The following UGT1A3 variants were observed in gnomAD, a reference collection of about 807,000 sequenced individuals.
The protein encoded by UGT1A3 is UDP-glucuronosyltransferase 1A3.
Under a neutral mutation model 41.0 loss-of-function variants are expected in UGT1A3, and 31 were observed. That is an observed-to-expected ratio of 0.76 (90% CI 0.57 to 1.02). UGT1A3 has a LOEUF of 1.02. UGT1A3 is among the 50% of genes least tolerant of loss of function. The pLI is 0.00. For synonymous variants in UGT1A3, 262 were observed against 257.6 expected (o/e 1.02, Z -0.17); for missense variants, 737 against 671.0 (o/e 1.10, Z -1.09).
rs910583774 is a variant in UGT1A3 at position 233,730,144 on chromosome 2, T to G, written c.867+151T>G. The G allele has an allele frequency of 2.1e-5, 31 of 1,508,278 alleles. No individual in the cohort carries two copies. In the East Asian group the frequency reaches 2.9e-4, roughly 14 times the overall value. 93.4% of individuals were successfully genotyped at this position (1,508,278 alleles called of 1,614,324 possible). On this transcript the variant is annotated intron_variant, in intron 1 of 4. Transcript: ENST00000482026. ...CATAATAGCCTTCAGTGAGATAAAC[T>G]GTTAAGGGGTCTCTAGTAGCGTATT...
Position 233,772,248 on chromosome 2 carries a change from G to A in UGT1A3, c.1308-14G>A. ...CAGGTGTTCCAGGCATAACGAAACT[G>A]TCTTTGTGTTTAGTTACAAGGAGAA... is the stretch of plus-strand genomic sequence containing the variant. On this transcript the variant is annotated splice_polypyrimidine_tract_variant and intron_variant, in intron 4 of 4. Transcript: ENST00000482026. 6.2e-7 allele frequency: 1 copy of A among 1,614,220 alleles called. No individual in the cohort carries two copies. The highest frequency in any genetic ancestry group is 1.7e-5 in the Admixed American group (1 of 60,030).
At chr2:233,761,005 A>G (rs1292729265) in intron 1 of UGT1A3, 1 of 1,614,128 alleles carries the variant, frequency 6.2e-7, no homozygotes, top group South Asian at 1.1e-5. Context: ...ATTCCTTCAG[A>G]GAGAGGTGAC....
intron 1 of UGT1A3, among the ~76,000 whole-genome samples, chr2:233,744,726 G>GA (rs1261964774): frequency 2.6e-5 from 4 of 151,822 alleles, no homozygotes; most frequent in African/African-American, 9.7e-5. Context: ...GAATGACGGT[G>GA]AAAAAATCAA....
At position 233,773,221 on chromosome 2, in the gene UGT1A3, T is replaced by C. The variant is rs1191094075; in HGVS notation, c.*662T>C. ...ATTTGATAAAAACCCAAAATACAGC[T>C]ATGAAGTGCTGGGCAAGTTTACTTT... On this transcript the variant is annotated 3_prime_UTR_variant, in exon 5 of 5. Coordinates refer to ENST00000482026, the MANE Select transcript of UGT1A3 (RefSeq NM_019093.4). The C allele has an allele frequency of 6.6e-6, 1 of 152,384 alleles. No individual in the cohort carries two copies. The highest frequency in any genetic ancestry group is 2.4e-5 in the African/African-American group (1 of 41,462). 9.4% of individuals were successfully genotyped at this position (152,384 alleles called of 1,614,324 possible). A position where few individuals can be genotyped will look rare whatever the true frequency, so the allele number is the denominator to read the frequency against.
rs1559415650 is a variant in UGT1A3, at chr2:233,768,355, A to G, written c.1223A>G (p.Lys408Arg). ...GACAATGCAAAGCGCATGGAGACTA[A>G]GGGAGCTGGAGTGACCCTGAATGTT... is the stretch of plus-strand genomic sequence containing the variant. The part of the protein sequence containing the change: ...QMDNAKRMET[K>R]GAGVTLNVLE... The change falls in exon 4 of 5, where the codon AAG becomes AGG. Residue 408 changes from lysine to arginine, a missense_variant. Coordinates refer to ENST00000482026, the MANE Select transcript of UGT1A3 (RefSeq NM_019093.4). The G allele has an allele frequency of 6.2e-7, 1 of 1,614,200 alleles. No individual in the cohort carries two copies. The highest frequency in any genetic ancestry group is 1.1e-5 in the South Asian group (1 of 91,084).
chr2:233,757,904 G>A (rs539067389), intron 1 of UGT1A3, among the ~76,000 whole-genome samples: 3 of 152,170 alleles, frequency 2.0e-5, no homozygotes, highest in African/African-American at 4.8e-5. Context: ...TTCCATGGAC[G>A]TGTCACTCTT....
chr2:233,731,475 C>A lies in UGT1A3; in HGVS notation c.867+1482C>A, dbSNP rs368820066. ...AACAGGCCCTGGCGTGTGATGTTCC[C>A]TGGCCTGTGTCCAGTGTTCTTGCTG... On this transcript the variant is annotated intron_variant, in intron 1 of 4. Coordinates refer to ENST00000482026, the MANE Select transcript of UGT1A3 (RefSeq NM_019093.4). Among the ~76,000 whole-genome samples the A allele has an allele frequency of 3.1e-4, 47 of 152,264 alleles. No homozygotes were observed. The South Asian group carries it at 9.3e-3, about 30-fold the overall frequency.
intron 1 of UGT1A3, chr2:233,748,125 T>C: frequency 6.2e-7 from 1 of 1,610,546 alleles, no homozygotes; most frequent in South Asian, 1.1e-5. Context: ...GGCAAAACAG[T>C]TTTTAAAAAT....
intron 1 of UGT1A3, among the ~76,000 whole-genome samples, chr2:233,759,577 C>A (rs970785241): frequency 2.6e-5 from 4 of 151,886 alleles, no homozygotes; most frequent in Admixed American, 2.6e-4. Flanking sequence ...CATTCTCTAC[C>A]CCAGCACGCC....
At position 233,746,640 on chromosome 2, in the gene UGT1A3, A is replaced by C. The variant is rs553124614; in HGVS notation, c.867+16647A>C. Among the ~76,000 whole-genome samples the C allele has an allele frequency of 3.3e-5, 5 of 151,640 alleles. No individual in the cohort carries two copies. In the East Asian group the frequency reaches 9.7e-4, roughly 29 times the overall value. On this transcript the variant is annotated intron_variant, in intron 1 of 4. Transcript: ENST00000482026. ...TCCTTTCAGGCAAGGACCATTTCTA[A>C]CTTGGCTTTCTGTCCCGAGTTCCTA...
intron 1 of UGT1A3, chr2:233,760,847 C>G: frequency 6.2e-7 from 1 of 1,614,018 alleles, no homozygotes; most frequent in South Asian, 1.1e-5. Context: ...ACCCAGTGCC[C>G]CAACCCATTC....
At chr2:233,760,473 T>C (rs2125984600) in intron 1 of UGT1A3, 2 of 1,614,230 alleles carry the variant, frequency 1.2e-6, no homozygotes, top group Non-Finnish European at 1.7e-6. Flanking sequence ...TCCTAGCACC[T>C]GACGCCTCGT....
intron 1 of UGT1A3, chr2:233,740,766 G>A (rs189465133): frequency 3.0e-4 from 46 of 151,826 alleles, no homozygotes; most frequent in Admixed American, 7.8e-4. Context: ...TTATCAAACC[G>A]TTGTATAAAA....
intron 1 of UGT1A3, among the ~76,000 whole-genome samples, chr2:233,747,063 C>T (rs1043873041): frequency 4.6e-5 from 7 of 151,894 alleles, no homozygotes; most frequent in African/African-American, 1.2e-4. Flanking sequence ...ATTGGTTAAT[C>T]GGTAATAATT....
chr2:233,760,348 G>A (rs759212811), intron 1 of UGT1A3: 2 of 1,613,950 alleles, frequency 1.2e-6, no homozygotes, highest in Admixed American at 1.7e-5. Flanking sequence ...GTGTGTGCTG[G>A]GCCCAGTGGT....
At chr2:233,730,797 T>G (rs45510999) in intron 1 of UGT1A3, among the ~76,000 whole-genome samples, 5,123 of 152,228 alleles carry the variant, frequency 0.034, 100 homozygotes, top group African/African-American at 0.051. Flanking sequence ...CAGTGATGAA[T>G]GGACATGCGT....
chr2:233,759,135 A>G (rs1346504675), intron 1 of UGT1A3, among the ~76,000 whole-genome samples: 1 of 152,234 alleles, frequency 6.6e-6, no homozygotes, highest in African/African-American at 2.4e-5. Flanking sequence ...CTGGTACGCA[A>G]TGAAGGTGAG....
chr2:233,767,888 G>A lies in UGT1A3; in HGVS notation c.1039G>A (p.Ala347Thr), dbSNP rs771899094. 2 of 1,614,028 alleles carry A rather than the reference G, an allele frequency of 1.2e-6. No individual in the cohort carries two copies. The highest frequency in any genetic ancestry group is 3.3e-5 in the Admixed American group (2 of 60,002). The stretch of plus-strand genomic sequence containing the variant: ...CACTGGAACCCGACCATCGAATCTT[G>A]CGAACAACACGATACTTGTTAAGTG... ...RYTGTRPSNL[A>T]NNTILVKWLP... Residue 347 changes from alanine to threonine, a missense_variant, in exon 3 of 5, where the codon GCG becomes ACG. By Grantham distance (58) the Ala-to-Thr change is moderately conservative. Transcript: ENST00000482026.
At chr2:233,739,607 G>C (rs1198320819) in intron 1 of UGT1A3, among the ~76,000 whole-genome samples, 2 of 152,134 alleles carry the variant, frequency 1.3e-5, no homozygotes, top group Non-Finnish European at 2.9e-5. Context: ...CCTTTGTTTT[G>C]GCCAGTTTCT....
Sources: allele counts gnomAD v4.1 joint callset (sites outside exome capture counted in the v4.1 genomes callset), GRCh38; gene constraint gnomAD v4.1.1; transcripts MANE v1.5; gene names NCBI Gene and HGNC (gene_info 2026-07-23, HGNC 2026-07-21).